The following DNAJC1 variants were observed in gnomAD, a reference collection of about 807,000 sequenced individuals.
The protein encoded by DNAJC1 is dnaJ homolog subfamily C member 1.
DNAJC1 carries 58 observed loss-of-function variants against 76.6 expected under a neutral mutation model. The observed-to-expected ratio is 0.76, with a 90% CI of 0.61 to 0.94. The LOEUF is 0.94. Among genes scored for constraint, DNAJC1 ranks in the 40% least tolerant of loss-of-function variants. DNAJC1 has a pLI of 0.00. For missense variants in DNAJC1, 689 were observed against 677.3 expected, an observed-to-expected ratio of 1.02 and a Z score of -0.19; for synonymous variants, 258 against 267.9, an observed-to-expected ratio of 0.96 and a Z score of 0.36.
chr10:21,856,636 T>C (rs1384708331), intron 8 of DNAJC1, among the ~76,000 whole-genome samples: 1 of 152,170 alleles, frequency 6.6e-6, no homozygotes, highest in African/African-American at 2.4e-5. Flanking sequence ...ACTCATGGTA[T>C]ATTCTAGAAT....
chr10:21,907,588 A>C (rs1202290839), intron 6 of DNAJC1, among the ~76,000 whole-genome samples: 1 of 152,172 alleles, frequency 6.6e-6, no homozygotes, highest in Admixed American at 6.5e-5. Context: ...GGATAACTTC[A>C]TAACTACCAT....
intron 8 of DNAJC1, among the ~76,000 whole-genome samples, chr10:21,806,528 A>G (rs1024627592): frequency 6.6e-6 from 1 of 151,940 alleles, no homozygotes; most frequent in Non-Finnish European, 1.5e-5. Flanking sequence ...TTAAACACAC[A>G]CTTTAAAGAA....
chr10:21,918,136 A>C (rs1836983766), intron 6 of DNAJC1, among the ~76,000 whole-genome samples: 1 of 151,964 alleles, frequency 6.6e-6, no homozygotes, highest in Non-Finnish European at 1.5e-5. Context: ...CTGATGCAAA[A>C]ATCAAAATTA....
chr10:21,980,787 C>T (rs1838143167), intron 1 of DNAJC1, among the ~76,000 whole-genome samples: 1 of 152,066 alleles, frequency 6.6e-6, no homozygotes, highest in Admixed American at 6.6e-5. Flanking sequence ...AAAAATTATA[C>T]ATAAAAAGTT....
chr10:21,903,814 TG>T (rs1485648183), intron 7 of DNAJC1, among the ~76,000 whole-genome samples: 4 of 151,020 alleles, frequency 2.6e-5, no homozygotes, highest in Non-Finnish European at 5.9e-5. Context: ...CTACTGGGGG[TG>T]GGGGGTTGGA....
In DNAJC1 at chr10:22,003,369, G is replaced by A; in HGVS notation, c.66C>T (p.Phe22=). 7.1e-7 allele frequency: 1 copy of A among 1,408,526 alleles called. No homozygotes were observed. Among genetic ancestry groups the A allele is most frequent in the Non-Finnish European group, 9.2e-7 (1 of 1,085,090 alleles). The allele number at this position is 1,408,526 out of a possible 1,614,324, so 87.3% of individuals were successfully genotyped here. Residue 22 remains phenylalanine, a synonymous_variant, in exon 1 of 12, where the codon TTC becomes TTT. Transcript: ENST00000376980. The part of the protein sequence containing the change: ...PGRRQLGLVP[F]PPPPPRTPLL... ...GCGGCGTCCGCGGCGGCGGCGGCGG[G>A]AACGGCACCAGCCCGAGCTGGCGGC... is the stretch of plus-strand genomic sequence containing the variant.
intron 8 of DNAJC1, among the ~76,000 whole-genome samples, chr10:21,846,791 A>G (rs1295409440): frequency 1.3e-5 from 2 of 152,116 alleles, no homozygotes; most frequent in African/African-American, 4.8e-5. Flanking sequence ...TCCATTTTAC[A>G]ACACAAAATA....
At chr10:21,842,543 G>GTTGA (rs534386389) in intron 8 of DNAJC1, among the ~76,000 whole-genome samples, 3 of 152,352 alleles carry the variant, frequency 2.0e-5, no homozygotes, top group South Asian at 4.1e-4. Flanking sequence ...TTTTACCTAT[G>GTTGA]TTGAATTTCA....
intron 7 of DNAJC1, among the ~76,000 whole-genome samples, chr10:21,902,449 C>T (rs944445274): frequency 2.0e-5 from 3 of 152,032 alleles, no homozygotes; most frequent in East Asian, 1.9e-4. Context: ...GGATTATAGG[C>T]GCACACCACC....
chr10:21,976,878 G>C (rs2131833602), intron 1 of DNAJC1, among the ~76,000 whole-genome samples: 1 of 152,258 alleles, frequency 6.6e-6, no homozygotes, highest in South Asian at 2.1e-4. Flanking sequence ...AAGTCTTCTT[G>C]AATGCCGCCG....
intron 8 of DNAJC1, among the ~76,000 whole-genome samples, chr10:21,869,944 TAAA>T (rs928160307): frequency 6.6e-6 from 1 of 151,996 alleles, no homozygotes; most frequent in Admixed American, 6.6e-5. Flanking sequence ...AAAAACTTGA[TAAA>T]AAAATTCGTA....
At chr10:21,896,834 G>T (rs921581484) in intron 7 of DNAJC1, among the ~76,000 whole-genome samples, 2 of 152,108 alleles carry the variant, frequency 1.3e-5, no homozygotes, top group Admixed American at 1.3e-4. Flanking sequence ...AAGAGGAAAA[G>T]GCCACTGGGA....
At chr10:21,943,193 C>T (rs972895169) in intron 1 of DNAJC1, among the ~76,000 whole-genome samples, 3 of 151,770 alleles carry the variant, frequency 2.0e-5, no homozygotes, top group Admixed American at 6.6e-5. Context: ...GAACCAAGTA[C>T]CCAGGCCAAG....
chr10:21,853,139 A>G (rs890453268), intron 8 of DNAJC1, among the ~76,000 whole-genome samples: 2 of 152,200 alleles, frequency 1.3e-5, no homozygotes, highest in East Asian at 1.9e-4. Context: ...TTGGCATTCA[A>G]AAACTTCTAC....
chr10:21,895,510 C>A (rs1364144668), intron 7 of DNAJC1, among the ~76,000 whole-genome samples: 1 of 152,076 alleles, frequency 6.6e-6, no homozygotes, highest in East Asian at 1.9e-4. Flanking sequence ...CATGGCTTCT[C>A]TTGACTACTT....
intron 1 of DNAJC1, among the ~76,000 whole-genome samples, chr10:21,942,507 T>A (rs923288868): frequency 1.1e-4 from 16 of 152,006 alleles, no homozygotes; most frequent in South Asian, 2.1e-4. Flanking sequence ...ATAAGATATA[T>A]ATAAGATAAA....
intron 8 of DNAJC1, among the ~76,000 whole-genome samples, chr10:21,841,142 T>A (rs1484753849): frequency 6.6e-6 from 1 of 152,150 alleles, no homozygotes; most frequent in Non-Finnish European, 1.5e-5. Context: ...CCTAAAACCA[T>A]AAAAACCCTA....
intron 9 of DNAJC1, among the ~76,000 whole-genome samples, chr10:21,769,214 T>C (rs562116538): frequency 1.3e-5 from 2 of 152,344 alleles, no homozygotes; most frequent in South Asian, 2.1e-4. Context: ...CCTAGGTCTC[T>C]GGCCCTGACT....
At chr10:21,857,715 GC>G (rs1373802409) in intron 8 of DNAJC1, among the ~76,000 whole-genome samples, 3 of 152,030 alleles carry the variant, frequency 2.0e-5, no homozygotes, top group African/African-American at 7.3e-5. Flanking sequence ...AATTATCTGG[GC>G]ATGGTGGTAC....
Sources: gnomAD v4.1 joint callset for allele counts (sites outside exome capture counted in the v4.1 genomes callset) on GRCh38, gnomAD v4.1.1 for gene constraint, MANE v1.5 for transcripts, NCBI Gene and HGNC (gene_info 2026-07-23, HGNC 2026-07-21) for gene names.